KIFBP: variants seen among roughly 807,000 people sequenced by gnomAD.
KIFBP encodes KIF-binding protein.
Under a neutral mutation model 58.9 loss-of-function variants are expected in KIFBP, and 46 were observed. The observed-to-expected ratio is 0.78, with a 90% CI of 0.62 to 1.00. The LOEUF (loss-of-function observed/expected upper bound fraction) is 1.00, where lower values mean the gene tolerates loss of function less well. Among genes scored for constraint, KIFBP ranks in the 50% least tolerant of loss-of-function variants. The probability of loss-of-function intolerance (pLI) is 0.00; values close to 1 mark genes in which losing one functional copy is unlikely to be tolerated. For synonymous variants in KIFBP, 241 were observed against 283.4 expected (o/e 0.85, Z 1.50); for missense variants, 651 against 752.9 (o/e 0.86, Z 1.58).
chr10:69,002,443 C>A (rs1057199869), intron 2 of KIFBP, among the ~76,000 whole-genome samples: 2 of 152,028 alleles, frequency 1.3e-5, no homozygotes, highest in Non-Finnish European at 2.9e-5. Context: ...CAGGCATAAG[C>A]CACCATGCCC....
At chr10:68,990,727 G>A (rs963611969) in intron 1 of KIFBP, among the ~76,000 whole-genome samples, 5 of 152,028 alleles carry the variant, frequency 3.3e-5, no homozygotes, top group African/African-American at 4.8e-5. Context: ...CAGGAGGATC[G>A]CTTGAGCCCA....
chr10:68,989,512 G>C, intron 1 of KIFBP: 1 of 575,364 alleles, frequency 1.7e-6, no homozygotes, highest in Non-Finnish European at 3.1e-6. Context: ...CACCAATATC[G>C]CTTGCTGCTG....
At position 69,002,787 on chromosome 10, in the gene KIFBP, C is replaced by A. The variant is rs563706273; in HGVS notation, c.526-2259C>A. On this transcript the variant is annotated intron_variant, in intron 2 of 6. Transcript: ENST00000361983. ...CTTGTGGTCCCAGCTACTTCGGGGG[C>A]TGAGGTGGGAGGATGGCTTGAGTCC... 6.5e-4 allele frequency among the ~76,000 whole-genome samples: 98 copies of A among 151,900 alleles called. 1 individual carries two copies. In the South Asian group the frequency reaches 0.02, roughly 31 times the overall value.
At chr10:69,000,639 A>T in intron 2 of KIFBP, 117 bp downstream of exon 2, 1 of 754,770 alleles carries the variant, frequency 1.3e-6, no homozygotes, top group Non-Finnish European at 2.3e-6. Flanking sequence ...GAACTTCTCT[A>T]TAGAGCCATC....
chr10:69,005,405 C>T (rs1184941416), intron 3 of KIFBP, among the ~76,000 whole-genome samples: 4 of 152,106 alleles, frequency 2.6e-5, no homozygotes, highest in African/African-American at 9.7e-5. Flanking sequence ...GGTCCGGACA[C>T]GGTGGCTTAC....
At chr10:69,011,184 C>G (rs919019382) in intron 6 of KIFBP, 169 bp downstream of exon 6, 2 of 611,006 alleles carry the variant, frequency 3.3e-6, no homozygotes, top group Admixed American at 4.6e-5. Flanking sequence ...CTTCGAATTG[C>G]TTGAATCCGG....
At chr10:69,005,521 C>A (rs1039559263) in intron 3 of KIFBP, among the ~76,000 whole-genome samples, 7 of 151,754 alleles carry the variant, frequency 4.6e-5, no homozygotes, top group Non-Finnish European at 1.0e-4. Flanking sequence ...ACCAAAAATA[C>A]AAAAATTAGC....
chr10:68,997,521 G>A (rs1589294400), intron 1 of KIFBP, among the ~76,000 whole-genome samples: 1 of 152,114 alleles, frequency 6.6e-6, no homozygotes, highest in South Asian at 2.1e-4. Flanking sequence ...TAAGTTTCCC[G>A]AGGCCTCCCC....
At chr10:68,994,659 ACTTTTTGTTGT>A (rs554566565) in intron 1 of KIFBP, among the ~76,000 whole-genome samples, 39 of 152,256 alleles carry the variant, frequency 2.6e-4, no homozygotes, top group South Asian at 6.2e-4. Flanking sequence ...GTATAGGAGT[ACTTTTTGTTGT>A]TATTGTTCAC....
intron 6 of KIFBP, among the ~76,000 whole-genome samples, chr10:69,013,201 C>T (rs569649367): frequency 1.3e-5 from 2 of 152,128 alleles, no homozygotes; most frequent in East Asian, 3.8e-4. Context: ...GAGATTTGGC[C>T]AGGGACACAA....
At chr10:69,002,295 G>A (rs1843475534) in intron 2 of KIFBP, among the ~76,000 whole-genome samples, 1 of 151,884 alleles carries the variant, frequency 6.6e-6, no homozygotes, top group Non-Finnish European at 1.5e-5. Flanking sequence ...AAGTGGCTGA[G>A]ATTATAGGTG....
In KIFBP at chr10:68,989,211, A is replaced by T; in HGVS notation, c.379A>T (p.Arg127Trp). 6.2e-7 allele frequency: 1 copy of T among 1,613,590 alleles called. No homozygotes were observed. Among genetic ancestry groups the T allele is most frequent in the Non-Finnish European group, 8.5e-7 (1 of 1,179,954 alleles). Reference sequence around the variant, plus strand: ...GGTGAAATGCCTGCGGCTGCTGCGCAGGTACCGGCTCTCGCACGACTGCAT... The same window carrying T: ...GGTGAAATGCCTGCGGCTGCTGCGCTGGTACCGGCTCTCGCACGACTGCAT... Reference protein sequence around the residue: ...HLVKCLRLLRRYRLSHDCISL... With the variant: ...HLVKCLRLLRWYRLSHDCISL... Residue 127 changes from arginine (R) to tryptophan (W), a missense_variant, in exon 1 of 7, where the codon AGG becomes TGG. By Grantham distance (101) the Arg-to-Trp change is moderately radical. Transcript: ENST00000361983.
rs1843516730 is a variant in KIFBP, at chr10:69,005,067, C to T, written c.547C>T (p.Pro183Ser). ...GTAGGTTGGGAGTCCTCCTCTTGATCCTACTGAGCGTTTTCTTCCTGAAGA... is the reference window on the plus strand; with the variant it reads ...GTAGGTTGGGAGTCCTCCTCTTGATTCTACTGAGCGTTTTCTTCCTGAAGA... ...MKEVGSPPLD[P>S]TERFLPEEEK... The change falls in exon 3 of 7, where the codon CCT (proline) becomes TCT (serine). Residue 183 changes from proline (P) to serine (S), a missense_variant. Pro to Ser is a moderately conservative substitution (Grantham distance 74). Transcript: ENST00000361983. The T allele has an allele frequency of 1.9e-6, 3 of 1,613,474 alleles. No homozygotes were observed. The highest frequency in any genetic ancestry group is 2.5e-6 in the Non-Finnish European group (3 of 1,179,512).
intron 1 of KIFBP, 57 bp downstream of exon 1, chr10:68,989,315 G>T: frequency 6.3e-7 from 1 of 1,585,804 alleles, no homozygotes; most frequent in African/African-American, 1.3e-5. Context: ...GGATGGGGAG[G>T]AGCCCCTGCC....
rs749846239 is a variant in KIFBP at position 69,005,924 on chromosome 10, C to G, written c.789+9C>G. 6.2e-7 allele frequency: 1 copy of G among 1,609,830 alleles called. No homozygotes were observed. Among genetic ancestry groups the G allele is most frequent in the East Asian group, 2.2e-5 (1 of 44,828 alleles). ...AGTTTTACATCAATAAGGTAAGCTTCTTGAAGTAGTTATCTAACAGAGTAC... is the reference window on the plus strand; with the variant it reads ...AGTTTTACATCAATAAGGTAAGCTTGTTGAAGTAGTTATCTAACAGAGTAC... On this transcript the variant is annotated intron_variant, in intron 4 of 6. Transcript: ENST00000361983.
chr10:69,005,134 G>A lies in KIFBP; in HGVS notation c.605+9G>A. 8 of 1,589,000 alleles carry A rather than the reference G, an allele frequency of 5.0e-6. No homozygotes were observed. The highest frequency in any genetic ancestry group is 6.0e-6 in the Non-Finnish European group (7 of 1,157,178). ...CAAGAGAGATCAAAAAGGTGAGTAG[G>A]TATAGAAATCAGCCCTTGCAAATAT... On this transcript the variant is annotated intron_variant, in intron 3 of 6. Transcript: ENST00000361983.
Position 68,989,021 on chromosome 10 carries a change from C to G in KIFBP, c.189C>G (p.Ala63=). The change falls in exon 1 of 7, where the codon GCC becomes GCG. Residue 63 remains alanine, a synonymous_variant. Transcript: ENST00000361983. Reference sequence around the variant, plus strand: ...AGGACGAGGATGAGCGGCCTGAGGCCGAGGACGGCCCGGGTGCCGGTGACC... The same window carrying G: ...AGGACGAGGATGAGCGGCCTGAGGCGGAGGACGGCCCGGGTGCCGGTGACC... ...APEDEDERPE[A]EDGPGAGDHA... 1.9e-6 allele frequency: 3 copies of G among 1,613,910 alleles called. No homozygotes were observed. The highest frequency in any genetic ancestry group is 2.5e-6 in the Non-Finnish European group (3 of 1,179,894).
chr10:69,005,616 T>C (rs1429781650), intron 3 of KIFBP, 116 bp from the exon 4 acceptor site: 8 of 765,890 alleles, frequency 1.0e-5, no homozygotes, highest in Non-Finnish European at 1.7e-5. Context: ...GCGGAGGCAG[T>C]GAGCCAAGAT....
chr10:68,999,294 C>T (rs1200633163), intron 1 of KIFBP, among the ~76,000 whole-genome samples: 1 of 151,610 alleles, frequency 6.6e-6, no homozygotes, highest in African/African-American at 2.4e-5. Flanking sequence ...GATGGGGTTT[C>T]ACCATTTTGG....
Sources: allele counts gnomAD v4.1 joint callset (sites outside exome capture counted in the v4.1 genomes callset), GRCh38; gene constraint gnomAD v4.1.1; transcripts MANE v1.5; gene names NCBI Gene and HGNC (gene_info 2026-07-23, HGNC 2026-07-21).